WNK2: variants seen among roughly 807,000 people sequenced by gnomAD.
WNK2 encodes the protein serine/threonine-protein kinase WNK2.
In WNK2, 67 loss-of-function variants were observed where a neutral mutation model predicts 192.1. That is an observed-to-expected ratio of 0.35 (90% CI 0.29 to 0.43). The LOEUF is 0.43. Among genes scored for constraint, WNK2 ranks in the 20% least tolerant of loss-of-function variants. WNK2 has a pLI of 1.00. For missense variants in WNK2, 2,698 were observed against 3,089.7 expected (o/e 0.87, Z 3.01); for synonymous variants, 1,439 against 1,393.9 (o/e 1.03, Z -0.72).
In WNK2 at chr9:93,253,711, C is replaced by T. The variant is rs183839199; in HGVS notation, c.2034+629C>T. 8.5e-5 allele frequency among the ~76,000 whole-genome samples: 13 copies of T among 152,200 alleles called. No homozygotes were observed. The East Asian group carries it at 2.3e-3, about 27-fold the overall frequency. On this transcript the variant is annotated intron_variant, in intron 9 of 29. Transcript: ENST00000427277. ...GTGTGGCAAAGGAGTGATGGAACCT[C>T]GGGCTGTGACGACACGTGTGGGTTG...
chr9:93,254,172 C>T (rs1230880694), intron 9 of WNK2, among the ~76,000 whole-genome samples: 1 of 152,192 alleles, frequency 6.6e-6, no homozygotes, highest in African/African-American at 2.4e-5. Flanking sequence ...CCTCCTCAGC[C>T]TCCCAAAGTG....
intron 19 of WNK2, among the ~76,000 whole-genome samples, chr9:93,275,041 G>A (rs1329787095): frequency 7.6e-6 from 1 of 131,988 alleles, no homozygotes; most frequent in East Asian, 2.3e-4. Flanking sequence ...ATATTAGCAA[G>A]TCAAATTCAG....
chr9:93,243,156 C>A (rs531052557), intron 7 of WNK2, among the ~76,000 whole-genome samples: 1 of 152,320 alleles, frequency 6.6e-6, no homozygotes, highest in African/African-American at 2.4e-5. Context: ...GGCTCCTTGC[C>A]TGTCTTGGGT....
Position 93,239,778 on chromosome 9 carries a change from G to A in WNK2, c.1344G>A (p.Leu448=), listed in dbSNP as rs772785788. The part of the protein sequence containing the change: ...KEERYEIKDL[L]SHAFFAEDTG... ...CCAGGTACGAGATCAAAGACCTGCT[G>A]AGCCACGCCTTCTTCGCAGAGGACA... The change falls in exon 7 of 30, where the codon CTG becomes CTA. Residue 448 remains leucine, a synonymous_variant. Coordinates refer to ENST00000427277, the MANE Select transcript of WNK2 (RefSeq NM_006648.4). The surrounding 1 kb of genome is among the most constrained non-coding windows in gnomAD (Gnocchi z 4.2). The A allele has an allele frequency of 1.9e-6, 3 of 1,560,212 alleles. No homozygotes were observed. The highest frequency in any genetic ancestry group is 4.8e-5 in the East Asian group (2 of 41,510).
intron 1 of WNK2, among the ~76,000 whole-genome samples, 102 bp downstream of exon 1, chr9:93,184,487 G>A (rs894417332): frequency 6.6e-6 from 1 of 151,788 alleles, no homozygotes; most frequent in Non-Finnish European, 1.5e-5. Context: ...CCGGGCCCGC[G>A]TCCTTTGTGG....
intron 21 of WNK2, among the ~76,000 whole-genome samples, chr9:93,290,309 C>G (rs1849136248): frequency 6.6e-6 from 1 of 151,018 alleles, no homozygotes; most frequent in African/African-American, 2.4e-5. Flanking sequence ...GGGCCCAACA[C>G]AAATTGTTAA....
chr9:93,266,160 T>C (rs1311954328), intron 16 of WNK2, among the ~76,000 whole-genome samples: 1 of 152,170 alleles, frequency 6.6e-6, no homozygotes, highest in African/African-American at 2.4e-5. Context: ...AGGGTGGGTG[T>C]GTGGCCTGTG....
At chr9:93,208,069 A>G (rs1280440229) in intron 2 of WNK2, among the ~76,000 whole-genome samples, 1 of 152,120 alleles carries the variant, frequency 6.6e-6, no homozygotes, top group Non-Finnish European at 1.5e-5. Flanking sequence ...TCTTGCTATT[A>G]TAAATAATGC....
intron 13 of WNK2, among the ~76,000 whole-genome samples, chr9:93,262,439 T>G (rs527752697): frequency 6.6e-6 from 1 of 152,372 alleles, no homozygotes; most frequent in South Asian, 2.1e-4. Context: ...CTCCCAGCTT[T>G]TATGAATACA....
intron 28 of WNK2, among the ~76,000 whole-genome samples, chr9:93,315,139 G>A (rs898643587): frequency 2.6e-5 from 4 of 152,100 alleles, no homozygotes; most frequent in East Asian, 3.9e-4. Flanking sequence ...GTTTCATGTC[G>A]CTATAGTTCA....
intron 28 of WNK2, chr9:93,309,222 T>C: frequency 1.4e-6 from 1 of 736,342 alleles, no homozygotes; most frequent in Non-Finnish European, 1.7e-6. Flanking sequence ...TGTTTTTGTA[T>C]TTTTTAGCGT....
chr9:93,199,597 A>T (rs958192283), intron 2 of WNK2, among the ~76,000 whole-genome samples: 1 of 152,214 alleles, frequency 6.6e-6, no homozygotes, highest in African/African-American at 2.4e-5. Flanking sequence ...TGGAAGAAGC[A>T]TTGAAAACAC....
At chr9:93,209,113 G>GA (rs1296658771) in intron 2 of WNK2, among the ~76,000 whole-genome samples, 3 of 151,726 alleles carry the variant, frequency 2.0e-5, no homozygotes, top group Non-Finnish European at 4.4e-5. Context: ...TGATTTCCTG[G>GA]AAAAAAAACA....
intron 2 of WNK2, among the ~76,000 whole-genome samples, chr9:93,212,670 A>G (rs1431792587): frequency 6.6e-6 from 1 of 152,150 alleles, no homozygotes; most frequent in Non-Finnish European, 1.5e-5. Flanking sequence ...TGGGAGCAGC[A>G]TCGACATGCA....
intron 2 of WNK2, among the ~76,000 whole-genome samples, chr9:93,200,487 C>T (rs537059686): frequency 2.2e-4 from 33 of 152,368 alleles, no homozygotes; most frequent in Admixed American, 1.9e-3. Flanking sequence ...GGCCTGTTGT[C>T]CCCTTCAGCC....
chr9:93,293,151 G>C lies in WNK2; in HGVS notation c.5686G>C (p.Glu1896Gln). Reference protein sequence around the residue: ...SELEDADIKKELQSLREKHLK... With the variant: ...SELEDADIKKQLQSLREKHLK... Reference sequence around the variant, plus strand: ...GCTCGAGGATGCTGACATAAAGAAGGAGCTGCAGAGTCTGCGGGAGAAGTA... The same window carrying C: ...GCTCGAGGATGCTGACATAAAGAAGCAGCTGCAGAGTCTGCGGGAGAAGTA... Residue 1896 changes from glutamate to glutamine, a missense_variant, in exon 23 of 30, where the codon GAG becomes CAG. This residue lies in a region of WNK2 where 1,098 missense variants were observed against 1,101.0 expected (regional missense o/e 1.00). Transcript: ENST00000427277. 3.2e-6 allele frequency: 5 copies of C among 1,541,568 alleles called. No homozygotes were observed. The highest frequency in any genetic ancestry group is 4.4e-6 in the Non-Finnish European group (5 of 1,146,102).
chr9:93,290,126 CTCG>C, intron 21 of WNK2, 79 bp downstream of exon 21: 2 of 1,297,260 alleles, frequency 1.5e-6, no homozygotes, highest in Non-Finnish European at 2.1e-6. Flanking sequence ...CATCCGCACC[CTCG>C]TCTTTCATCT....
chr9:93,235,004 C>T (rs780460951), intron 5 of WNK2, 39 bp downstream of exon 5: 1 of 1,611,518 alleles, frequency 6.2e-7, no homozygotes, highest in South Asian at 1.1e-5. Context: ...AATAAGGACA[C>T]AGAGGCCTTG....
At chr9:93,193,013 T>C (rs1032086863) in intron 2 of WNK2, among the ~76,000 whole-genome samples, 1 of 152,160 alleles carries the variant, frequency 6.6e-6, no homozygotes, top group Non-Finnish European at 1.5e-5. Flanking sequence ...GGTCACCTCG[T>C]TGATGGAGAA....
Sources: gnomAD v4.1 joint callset for allele counts (sites outside exome capture counted in the v4.1 genomes callset) on GRCh38, gnomAD v4.1.1 for gene constraint, gnomAD v4.1.1 regional missense constraint, Gnocchi (gnomAD v3.1) non-coding constraint, MANE v1.5 for transcripts, NCBI Gene and HGNC (gene_info 2026-07-23, HGNC 2026-07-21) for gene names.